The following COL21A1 variants were observed in gnomAD, a reference collection of about 807,000 sequenced individuals.
COL21A1 encodes the protein collagen alpha-1(XXI) chain.
In COL21A1, 149 loss-of-function variants were observed where a neutral mutation model predicts 137.9. The ratio of observed to expected loss-of-function variants is 1.08; its 90% CI spans 0.95 to 1.24. The LOEUF (loss-of-function observed/expected upper bound fraction) is 1.24. COL21A1 is among the 50% of genes most tolerant of loss of function. COL21A1 has a pLI of 0.00. For synonymous variants in COL21A1, 456 were observed against 391.5 expected, an observed-to-expected ratio of 1.16 and a Z score of -1.95; for missense variants, 1,167 against 1,158.4, an observed-to-expected ratio of 1.01 and a Z score of -0.11.
chr6:56,150,565 C>CACACACACACACACACACACACACACAA (rs1402170446), intron 10 of COL21A1, among the ~76,000 whole-genome samples: 1 of 112,616 alleles, frequency 8.9e-6, no homozygotes, highest in African/African-American at 3.6e-5. Flanking sequence ...CACACACACA[C>CACACACACACACACACACACACACACAA]AAGAGTGGGG....
At chr6:56,226,295 AG>A (rs145948760) in intron 1 of COL21A1, among the ~76,000 whole-genome samples, 2,033 of 152,140 alleles carry the variant, frequency 0.013, 42 homozygotes, top group African/African-American at 0.047. Flanking sequence ...ATTCCTTTCT[AG>A]AAAGAAGAGC....
At chr6:56,285,810 A>G (rs900546693) in intron 1 of COL21A1, among the ~76,000 whole-genome samples, 7 of 72,348 alleles carry the variant, frequency 9.7e-5, no homozygotes, top group Non-Finnish European at 1.8e-4. Flanking sequence ...TTAGCCCACC[A>G]TCTCACCATC....
intron 1 of COL21A1, among the ~76,000 whole-genome samples, chr6:56,385,209 G>A (rs2094015661): frequency 6.6e-6 from 1 of 152,208 alleles, no homozygotes; most frequent in Non-Finnish European, 1.5e-5. Flanking sequence ...AAAAGTTTTG[G>A]TGGGAGGTGA....
chr6:56,139,071 G>A (rs983545800), intron 12 of COL21A1, among the ~76,000 whole-genome samples: 2 of 152,122 alleles, frequency 1.3e-5, no homozygotes, highest in African/African-American at 2.4e-5. Context: ...ACGGGTAGGA[G>A]GGTAGACATA....
At chr6:56,116,024 A>G (rs1182350970) in intron 16 of COL21A1, among the ~76,000 whole-genome samples, 1 of 152,106 alleles carries the variant, frequency 6.6e-6, no homozygotes, top group Admixed American at 6.5e-5. Flanking sequence ...TACAGGATCT[A>G]GAAAATAGTC....
At chr6:56,218,695 C>T (rs1317081203) in intron 1 of COL21A1, among the ~76,000 whole-genome samples, 6 of 152,158 alleles carry the variant, frequency 3.9e-5, no homozygotes, top group Non-Finnish European at 7.4e-5. Context: ...CAAACTTGAG[C>T]GATTTTCTTA....
intron 12 of COL21A1, among the ~76,000 whole-genome samples, chr6:56,130,748 T>C (rs1168416241): frequency 1.3e-5 from 2 of 152,000 alleles, no homozygotes; most frequent in African/African-American, 4.8e-5. Context: ...CATGTTAACA[T>C]AAATCAGTGT....
intron 1 of COL21A1, among the ~76,000 whole-genome samples, chr6:56,325,132 G>T (rs1764978065): frequency 6.8e-6 from 1 of 147,796 alleles, no homozygotes; most frequent in East Asian, 2.0e-4. Flanking sequence ...TATTCTACAT[G>T]AAGCCTCCTA....
At chr6:56,127,534 T>C (rs1296225805) in intron 12 of COL21A1, among the ~76,000 whole-genome samples, 2 of 152,214 alleles carry the variant, frequency 1.3e-5, no homozygotes, top group African/African-American at 2.4e-5. Context: ...TAATATCCAA[T>C]GGCTTCCTGA....
chr6:56,116,396 TAAAAAAAAA>T (rs370697652), intron 16 of COL21A1, among the ~76,000 whole-genome samples: 4 of 90,834 alleles, frequency 4.4e-5, no homozygotes, highest in Non-Finnish European at 4.1e-5. Context: ...GTGCCAAAGG[TAAAAAAAAA>T]AAAAAAAAAA....
intron 1 of COL21A1, among the ~76,000 whole-genome samples, chr6:56,379,717 C>T (rs908904420): frequency 2.0e-5 from 3 of 151,974 alleles, no homozygotes; most frequent in African/African-American, 4.8e-5. Flanking sequence ...CATAGGATTT[C>T]GTATTTAATA....
intron 1 of COL21A1, among the ~76,000 whole-genome samples, chr6:56,346,473 G>A (rs1014856415): frequency 1.3e-5 from 2 of 152,124 alleles, no homozygotes; most frequent in Non-Finnish European, 2.9e-5. Context: ...GCTACTTTAT[G>A]TGAAATAGTA....
At chr6:56,205,076 TCTC>T (rs1225482635) in intron 1 of COL21A1, among the ~76,000 whole-genome samples, 1 of 151,970 alleles carries the variant, frequency 6.6e-6, no homozygotes, top group East Asian at 1.9e-4. Flanking sequence ...GAACACCTCT[TCTC>T]CTCCAAAGGA....
intron 1 of COL21A1, among the ~76,000 whole-genome samples, chr6:56,257,799 A>G (rs1320661536): frequency 6.6e-6 from 1 of 152,208 alleles, no homozygotes; most frequent in Non-Finnish European, 1.5e-5. Context: ...CAACAATTTA[A>G]AAATGTAAAA....
intron 1 of COL21A1, among the ~76,000 whole-genome samples, chr6:56,232,273 A>C (rs1173495515): frequency 2.0e-5 from 3 of 151,906 alleles, no homozygotes. Flanking sequence ...AAATCATTCT[A>C]ATTAGTAAAT....
intron 1 of COL21A1, among the ~76,000 whole-genome samples, chr6:56,314,843 A>G (rs1435919981): frequency 6.6e-6 from 1 of 152,194 alleles, no homozygotes; most frequent in African/African-American, 2.4e-5. Context: ...TAGCGGAGAA[A>G]GTTGCAGTGC....
Position 56,060,042 on chromosome 6 carries a change from G to T in COL21A1, c.2584C>A (p.Arg862Ser). 1.2e-6 allele frequency: 2 copies of T among 1,604,982 alleles called. No homozygotes were observed. Among genetic ancestry groups the T allele is most frequent in the African/African-American group, 1.3e-5 (1 of 74,364 alleles). ...CCTTTTAATCCTCTGACACCTGGAC[G>T]TCCAGGGACACCCACTAATCCAGGA... ...GVPGLVGVPG[R>S]PGVRGLKGLP... The change falls in exon 28 of 30, where the codon CGT becomes AGT. Residue 862 changes from arginine to serine, a missense_variant. By Grantham distance (110) the Arg-to-Ser change is moderately radical. Transcript: ENST00000244728.
chr6:56,227,978 C>A (rs1274358043), intron 1 of COL21A1, among the ~76,000 whole-genome samples: 1 of 151,742 alleles, frequency 6.6e-6, no homozygotes, highest in Non-Finnish European at 1.5e-5. Flanking sequence ...GAAGATAGTA[C>A]CTGAAAATGC....
intron 5 of COL21A1, among the ~76,000 whole-genome samples, chr6:56,169,437 C>A (rs1036205206): frequency 1.3e-5 from 2 of 151,912 alleles, no homozygotes; most frequent in African/African-American, 4.8e-5. Flanking sequence ...ATGGTCAAGA[C>A]CTTTTGATGA....
Sources: allele counts gnomAD v4.1 joint callset (sites outside exome capture counted in the v4.1 genomes callset), GRCh38; gene constraint gnomAD v4.1.1; transcripts MANE v1.5; gene names NCBI Gene and HGNC (gene_info 2026-07-23, HGNC 2026-07-21).